Variants in SPMIP2 observed in about 807,000 individuals in gnomAD.
The protein encoded by SPMIP2 is protein SPMIP2.
chr4:159,057,061 T>G, the SPMIP2 span, among the ~76,000 whole-genome samples: 1 of 152,350 alleles, frequency 6.6e-6, no homozygotes, highest in Non-Finnish European at 1.5e-5. Flanking sequence ...TCTGTGCATT[T>G]TTTCTATTGC....
At chr4:158,993,313 GC>G in the SPMIP2 span, among the ~76,000 whole-genome samples, 1 of 151,892 alleles carries the variant, frequency 6.6e-6, no homozygotes, top group African/African-American at 2.4e-5. Flanking sequence ...GTAGCAGTGA[GC>G]TATGATCATG....
the SPMIP2 span, among the ~76,000 whole-genome samples, chr4:158,990,652 C>T: frequency 6.6e-6 from 1 of 152,074 alleles, no homozygotes; most frequent in Non-Finnish European, 1.5e-5. Flanking sequence ...CCAAACACCG[C>T]CATGTTCTCA....
chr4:158,925,307 T>C, the SPMIP2 span, among the ~76,000 whole-genome samples: 1 of 152,262 alleles, frequency 6.6e-6, no homozygotes, highest in Non-Finnish European at 1.5e-5. Context: ...TTTATTGAAT[T>C]GATCTAATTT....
At chr4:159,053,443 C>T in the SPMIP2 span, among the ~76,000 whole-genome samples, 27 of 152,244 alleles carry the variant, frequency 1.8e-4, no homozygotes, top group African/African-American at 6.5e-4. Flanking sequence ...TAGGAGAATA[C>T]AAGGATGGCT....
the SPMIP2 span, among the ~76,000 whole-genome samples, chr4:159,001,571 C>G: frequency 6.6e-6 from 1 of 152,072 alleles, no homozygotes; most frequent in East Asian, 1.9e-4. Context: ...CATTTAGCTC[C>G]CACTTATAAG....
the SPMIP2 span, among the ~76,000 whole-genome samples, chr4:158,910,243 A>G: frequency 6.6e-6 from 1 of 151,278 alleles, no homozygotes; most frequent in Admixed American, 6.6e-5. Flanking sequence ...TTAGTCAAAC[A>G]CTAATCTGGA....
the SPMIP2 span, among the ~76,000 whole-genome samples, chr4:158,979,789 G>GTTTTTTTTTTTTT: frequency 3.8e-4 from 40 of 104,500 alleles, 1 homozygote; most frequent in African/African-American, 1.6e-3. Context: ...AGTTGCAAGA[G>GTTTTTTTTTTTTT]TTTTTTTTTT....
the SPMIP2 span, among the ~76,000 whole-genome samples, chr4:158,939,673 T>C: frequency 6.6e-6 from 1 of 152,028 alleles, no homozygotes; most frequent in Admixed American, 6.6e-5. Flanking sequence ...CCTCTTCTCC[T>C]CTTATTTGTT....
At chr4:159,007,630 G>A in the SPMIP2 span, 14 of 911,626 alleles carry the variant, frequency 1.5e-5, no homozygotes, top group African/African-American at 1.0e-4. Context: ...TCAGAACGTC[G>A]GGATGCTGTG....
the SPMIP2 span, among the ~76,000 whole-genome samples, chr4:158,985,717 C>G: frequency 6.6e-6 from 1 of 151,230 alleles, no homozygotes; most frequent in African/African-American, 2.5e-5. Context: ...CCTTTGAAAA[C>G]TGGCACAAGA....
the SPMIP2 span, among the ~76,000 whole-genome samples, chr4:158,959,335 A>G: frequency 6.2e-4 from 94 of 152,318 alleles, no homozygotes; most frequent in African/African-American, 2.2e-3. Context: ...ATGAAGTAGA[A>G]TATTTTAATG....
At chr4:158,958,079 C>T in the SPMIP2 span, among the ~76,000 whole-genome samples, 1 of 152,114 alleles carries the variant, frequency 6.6e-6, no homozygotes, top group African/African-American at 2.4e-5. Context: ...GCAGCCTCGA[C>T]CTCCCGGGCT....
At chr4:158,946,020 A>G in the SPMIP2 span, among the ~76,000 whole-genome samples, 2 of 152,340 alleles carry the variant, frequency 1.3e-5, no homozygotes, top group South Asian at 4.1e-4. Context: ...TGTAAGAGAT[A>G]CAGGTCTCTC....
At chr4:158,962,261 G>C in the SPMIP2 span, among the ~76,000 whole-genome samples, 1 of 152,146 alleles carries the variant, frequency 6.6e-6, no homozygotes, top group Non-Finnish European at 1.5e-5. Flanking sequence ...CTCTAGTCTA[G>C]TCCTGACACA....
chr4:159,027,528 G>A, the SPMIP2 span, among the ~76,000 whole-genome samples: 1 of 152,150 alleles, frequency 6.6e-6, no homozygotes, highest in Non-Finnish European at 1.5e-5. Flanking sequence ...TCAACCCAAT[G>A]TTTCAGTACC....
the SPMIP2 span, among the ~76,000 whole-genome samples, chr4:159,067,999 A>C: frequency 4.6e-5 from 7 of 152,360 alleles, no homozygotes; most frequent in South Asian, 1.4e-3. Flanking sequence ...ATCATTAAAA[A>C]GTCAGGAAAC....
chr4:158,947,924 A>C, the SPMIP2 span, among the ~76,000 whole-genome samples: 1 of 152,218 alleles, frequency 6.6e-6, no homozygotes, highest in Non-Finnish European at 1.5e-5. Flanking sequence ...TTTTAATGAA[A>C]TAATTTAGAT....
At chr4:158,910,336 C>T in the SPMIP2 span, among the ~76,000 whole-genome samples, 1 of 151,212 alleles carries the variant, frequency 6.6e-6, no homozygotes, top group Non-Finnish European at 1.5e-5. Context: ...TGCAATGGCA[C>T]GTTCTTGGCT....
the SPMIP2 span, among the ~76,000 whole-genome samples, chr4:158,993,738 T>A: frequency 6.6e-6 from 1 of 152,228 alleles, no homozygotes; most frequent in Admixed American, 6.5e-5. Context: ...ATCTGGATTA[T>A]CACCACAGCC....
Sources: gnomAD v4.1 joint callset for allele counts (sites outside exome capture counted in the v4.1 genomes callset) on GRCh38, gnomAD v4.1.1 for gene constraint, MANE v1.5 for transcripts, NCBI Gene and HGNC (gene_info 2026-07-23, HGNC 2026-07-21) for gene names.